TRIM36: variants seen among roughly 807,000 people sequenced by gnomAD.
TRIM36 encodes tripartite motif containing 36, also known as E3 ubiquitin-protein ligase TRIM36.
A neutral mutation model predicts 72.4 loss-of-function variants in TRIM36; 42 were observed. The observed-to-expected ratio is 0.58, with a 90% CI of 0.45 to 0.75. The LOEUF is 0.75. Ranked by LOEUF, TRIM36 falls within the 30% of genes least tolerant of loss-of-function variation. The pLI is 0.00. For missense variants in TRIM36, 913 were observed against 857.1 expected (o/e 1.07, Z -0.81); for synonymous variants, 315 against 282.8 (o/e 1.11, Z -1.14).
intron 4 of TRIM36, 100 bp downstream of exon 4, chr5:115,144,498 A>G: frequency 1.4e-6 from 2 of 1,421,248 alleles, no homozygotes; most frequent in Non-Finnish European, 9.6e-7. Context: ...TTTTAGTACA[A>G]AAGAGACCAT....
intron 2 of TRIM36, among the ~76,000 whole-genome samples, chr5:115,154,511 C>A (rs1754066287): frequency 6.6e-6 from 1 of 152,162 alleles, no homozygotes; most frequent in East Asian, 1.9e-4. Context: ...GATACTACAA[C>A]TGACACCACA....
chr5:115,126,965 T>TTTTA, intron 9 of TRIM36, 108 bp from the exon 10 acceptor site: 5 of 1,099,352 alleles, frequency 4.5e-6, no homozygotes, highest in Non-Finnish European at 5.1e-6. Flanking sequence ...AGTTTTTACA[T>TTTTA]CAAAAGCTTT....
chr5:115,127,630 T>C (rs1406749980), intron 9 of TRIM36, among the ~76,000 whole-genome samples: 1 of 152,208 alleles, frequency 6.6e-6, no homozygotes, highest in Non-Finnish European at 1.5e-5. Flanking sequence ...AAGGCTGTAG[T>C]GTAACCCATT....
At chr5:115,136,848 A>C in intron 7 of TRIM36, 152 bp downstream of exon 7, 1 of 648,652 alleles carries the variant, frequency 1.5e-6, no homozygotes, top group Non-Finnish European at 2.3e-6. Flanking sequence ...AGTTTTAAAA[A>C]CATAAATAGG....
chr5:115,153,365 A>C (rs919930285), intron 2 of TRIM36, among the ~76,000 whole-genome samples: 7 of 152,212 alleles, frequency 4.6e-5, no homozygotes, highest in African/African-American at 1.7e-4. Flanking sequence ...TATACCTAAC[A>C]CAGGGGCTCC....
At chr5:115,147,019 C>A in intron 3 of TRIM36, 50 bp downstream of exon 3, 2 of 1,464,330 alleles carry the variant, frequency 1.4e-6, no homozygotes, top group South Asian at 1.3e-5. Flanking sequence ...ATAAAAGTTT[C>A]ATAACATTAA....
intron 4 of TRIM36, among the ~76,000 whole-genome samples, chr5:115,143,801 G>C (rs185489372): frequency 9.9e-5 from 15 of 152,280 alleles, no homozygotes; most frequent in Non-Finnish European, 2.1e-4. Flanking sequence ...TGCTGCCTTT[G>C]TTGTTGATTA....
chr5:115,142,925 CAG>C (rs1036734186), intron 4 of TRIM36, among the ~76,000 whole-genome samples: 8 of 152,116 alleles, frequency 5.3e-5, no homozygotes, highest in African/African-American at 1.9e-4. Context: ...TAGTGTATAT[CAG>C]AGTCTCCTGA....
intron 2 of TRIM36, among the ~76,000 whole-genome samples, chr5:115,163,026 C>A (rs1053930371): frequency 6.6e-6 from 1 of 150,908 alleles, no homozygotes; most frequent in African/African-American, 2.4e-5. Flanking sequence ...GGCGCGATCT[C>A]GGCTCACTGC....
At chr5:115,160,258 C>G (rs1443799134) in intron 2 of TRIM36, among the ~76,000 whole-genome samples, 1 of 151,802 alleles carries the variant, frequency 6.6e-6, no homozygotes, top group Non-Finnish European at 1.5e-5. Context: ...AATGTATGAG[C>G]CAAAACTACA....
Position 115,126,386 on chromosome 5 carries a change from T to C in TRIM36, c.*117A>G, listed in dbSNP as rs1215681270. 1.4e-5 allele frequency: 11 copies of C among 759,538 alleles called. No homozygotes were observed. The highest frequency in any genetic ancestry group is 2.1e-5 in the South Asian group (1 of 47,518). 47.0% of individuals were successfully genotyped at this position (759,538 alleles called of 1,614,324 possible). A position where few individuals can be genotyped will look rare whatever the true frequency, so the allele number is the denominator to read the frequency against. ...ATTTTCTGTATTTCAAGAAGAATCA[T>C]ACTCAAACACAAGTGGGGTGACAGA... is the stretch of plus-strand genomic sequence containing the variant. On this transcript the variant is annotated 3_prime_UTR_variant, in exon 10 of 10. Coordinates refer to ENST00000513154, the MANE Select transcript of TRIM36 (RefSeq NM_001300759.2).
Position 115,125,212 on chromosome 5 carries a change from C to T in TRIM36, c.*1291G>A, listed in dbSNP as rs1752317033. 1.3e-5 allele frequency: 2 copies of T among 152,074 alleles called. No homozygotes were observed. Among genetic ancestry groups the T allele is most frequent in the Non-Finnish European group, 2.9e-5 (2 of 67,964 alleles). 9.4% of individuals were successfully genotyped at this position (152,074 alleles called of 1,614,324 possible). On this transcript the variant is annotated 3_prime_UTR_variant, in exon 10 of 10. Transcript: ENST00000513154. ...GTCAAAAGCATTCCATAAATGATTA[C>T]TGCTACAATGCATAAAAGTAGTTTC...
intron 9 of TRIM36, among the ~76,000 whole-genome samples, chr5:115,128,159 C>G (rs889193138): frequency 3.3e-5 from 5 of 150,674 alleles, no homozygotes; most frequent in African/African-American, 1.2e-4. Context: ...GGGCGGATCA[C>G]CTGAGGTCGG....
At chr5:115,145,638 T>C (rs2112836464) in intron 3 of TRIM36, among the ~76,000 whole-genome samples, 1 of 152,318 alleles carries the variant, frequency 6.6e-6, no homozygotes, top group South Asian at 2.1e-4. Flanking sequence ...GCAATTTTCC[T>C]GCCTCAGCCT....
At position 115,144,688 on chromosome 5, in the gene TRIM36, A is replaced by G; in HGVS notation, c.645T>C (p.Cys215=). ...TACACAGATGGCAAACTGGCCTCCT[A>G]CATAATTCACAGTACATGTTTATTC... ...TERINMYCEL[C]RRPVCHLCKL... Residue 215 remains cysteine (C), a synonymous_variant, in exon 4 of 10, where the codon TGT becomes TGC. Coordinates refer to ENST00000513154, the MANE Select transcript of TRIM36 (RefSeq NM_001300759.2). 1.2e-6 allele frequency: 2 copies of G among 1,614,150 alleles called. No homozygotes were observed. The highest frequency in any genetic ancestry group is 1.7e-6 in the Non-Finnish European group (2 of 1,180,012).
chr5:115,180,166 G>C (rs1755554375), upstream of TRIM36: 3 of 867,194 alleles, frequency 3.5e-6, no homozygotes, highest in South Asian at 5.1e-5. Flanking sequence ...ACCAGGAAAA[G>C]AGGGGAAGCG....
At chr5:115,150,307 T>A (rs1313764688) in intron 2 of TRIM36, among the ~76,000 whole-genome samples, 1 of 152,222 alleles carries the variant, frequency 6.6e-6, no homozygotes, top group Non-Finnish European at 1.5e-5. Context: ...ATTAGCCACA[T>A]GTGACTTTTA....
At chr5:115,134,278 CTATA>C (rs2112786500) in intron 7 of TRIM36, 131 bp from the exon 8 acceptor site, 9 of 673,398 alleles carry the variant, frequency 1.3e-5, no homozygotes, top group Non-Finnish European at 1.9e-5. Context: ...ATTTATAATA[CTATA>C]TATAGAAAGC....
chr5:115,179,934 T>G (rs756481596), intron 1 of TRIM36: 1 of 1,591,630 alleles, frequency 6.3e-7, no homozygotes, highest in Non-Finnish European at 8.6e-7. Context: ...AGTGCCGGAG[T>G]CGGGGGCCCA....
Sources: allele counts gnomAD v4.1 joint callset (sites outside exome capture counted in the v4.1 genomes callset), GRCh38; gene constraint gnomAD v4.1.1; transcripts MANE v1.5; gene names NCBI Gene and HGNC (gene_info 2026-07-23, HGNC 2026-07-21).